OTOF: variants seen among roughly 807,000 people sequenced by gnomAD.
The protein encoded by OTOF is fer-1-like family member 2.
In OTOF, 218 loss-of-function variants were observed where a neutral mutation model predicts 236.8. That is an observed-to-expected ratio of 0.92 (90% CI 0.82 to 1.03). The LOEUF is 1.03. Among genes scored for constraint, OTOF ranks in the 50% least tolerant of loss-of-function variants. OTOF has a pLI of 0.00. For synonymous variants in OTOF, 1,041 were observed against 1,072.5 expected, an observed-to-expected ratio of 0.97 and a Z score of 0.57; for missense variants, 2,590 against 2,694.4, an observed-to-expected ratio of 0.96 and a Z score of 0.86.
rs558634308 is a variant in OTOF at position 26,462,467 on chromosome 2, C to G, written c.5193-286G>C. 1.4e-3 allele frequency among the ~76,000 whole-genome samples: 211 copies of G among 152,302 alleles called. 1 individual carries two copies. The highest frequency in any genetic ancestry group is 2.1e-3 in the South Asian group (10 of 4,826). On this transcript the variant is annotated intron_variant, in intron 41 of 46. Coordinates refer to ENST00000272371, the MANE Select transcript of OTOF (RefSeq NM_194248.3). This position sits in a 1 kb window ranked among gnomAD's most constrained non-coding sequence, Gnocchi z 4.7. ...AGAAGTCTGCATTTAAGCCCAGTAG[C>G]CAGCAATGGAAGCCCATGGAAGCTG...
rs111033341 is a variant in OTOF, at chr2:26,489,209, A to C, written c.1045+2T>G. On this transcript the variant is annotated splice_donor_variant, in intron 11 of 46. Transcript: ENST00000272371. LOFTEE classifies it high-confidence loss of function. ...ACTGACTGGCCATGCGCAGGTACTC[A>C]CCTGGCTGCGAGTACACGGTTCCCA... 4.4e-6 allele frequency: 7 copies of C among 1,603,076 alleles called. No homozygotes were observed. The highest frequency in any genetic ancestry group is 1.3e-5 in the African/African-American group (1 of 74,684).
At chr2:26,459,323 T>C (rs1490769831) in intron 46 of OTOF, among the ~76,000 whole-genome samples, 3 of 151,964 alleles carry the variant, frequency 2.0e-5, no homozygotes, top group Admixed American at 1.3e-4. Context: ...GAGGCCGAGA[T>C]GGGCGGATCA....
At chr2:26,459,600 A>G (rs1209289657) in intron 46 of OTOF, among the ~76,000 whole-genome samples, 1 of 151,690 alleles carries the variant, frequency 6.6e-6, no homozygotes, top group Non-Finnish European at 1.5e-5. Context: ...TGGGAGAAAC[A>G]TGGCTGGGAG....
At chr2:26,528,092 A>AC (rs1216806433) in intron 2 of OTOF, among the ~76,000 whole-genome samples, 172 bp from the exon 3 acceptor site, 1 of 152,094 alleles carries the variant, frequency 6.6e-6, no homozygotes, top group Non-Finnish European at 1.5e-5. Context: ...AGTTCCAACA[A>AC]CCACCTTGTA....
chr2:26,537,420 CA>C lies in OTOF; in HGVS notation c.138+295del, dbSNP rs546620199. On this transcript the variant is annotated intron_variant, in intron 2 of 46. Coordinates refer to ENST00000272371, the MANE Select transcript of OTOF (RefSeq NM_194248.3). Reference sequence around the variant, plus strand: ...CTACAGCACCTGTGGGCTCTTTCTCCACAGGGAATAACAGGCCCAGACCCAG... The same window carrying C: ...CTACAGCACCTGTGGGCTCTTTCTCCCAGGGAATAACAGGCCCAGACCCAG... Among the ~76,000 whole-genome samples, 4 of 152,328 alleles carry C rather than the reference CA, an allele frequency of 2.6e-5. No individual in the cohort carries two copies. The East Asian group carries it at 7.7e-4, about 29-fold the overall frequency.
rs369672118 is a variant in OTOF at position 26,465,943 on chromosome 2, C to G, written c.4628+6G>C. ...TGTGGCAGGGGAGGGCACCAAGAAGCCTTACTTCCCAAAGACAGGGTTGAG... is the reference window on the plus strand; with the variant it reads ...TGTGGCAGGGGAGGGCACCAAGAAGGCTTACTTCCCAAAGACAGGGTTGAG... On this transcript the variant is annotated splice_donor_region_variant and intron_variant, in intron 37 of 46. Coordinates refer to ENST00000272371, the MANE Select transcript of OTOF (RefSeq NM_194248.3). 13 of 1,614,120 alleles carry G rather than the reference C, an allele frequency of 8.1e-6. No individual in the cohort carries two copies. Among genetic ancestry groups the G allele is most frequent in the South Asian group, 2.2e-5 (2 of 91,084 alleles).
rs1400846879 is a variant in OTOF, at chr2:26,476,888, C to T, written c.2676+3G>A. The T allele has an allele frequency of 5.6e-6, 9 of 1,608,312 alleles. No homozygotes were observed. In the East Asian group the frequency reaches 2.0e-4, roughly 36 times the overall value. The stretch of plus-strand genomic sequence containing the variant: ...CCCCCATCCATCCTGCCCCCTCCAG[C>T]ACCTTAAGGAAGAGCGTCTTGACCT... On this transcript the variant is annotated splice_donor_region_variant and intron_variant, in intron 22 of 46. Coordinates refer to ENST00000272371, the MANE Select transcript of OTOF (RefSeq NM_194248.3).
chr2:26,467,074 G>GCTGGGCCCGTGCTCCTGGC, intron 35 of OTOF, 25 bp downstream of exon 35: 1 of 1,610,716 alleles, frequency 6.2e-7, no homozygotes. Flanking sequence ...GGGTGCTCAG[G>GCTGGGCCCGTGCTCCTGGC]CTGGGCCCGT....
chr2:26,484,418 C>G, intron 12 of OTOF, 56 bp downstream of exon 12: 1 of 1,603,124 alleles, frequency 6.2e-7, no homozygotes, highest in Non-Finnish European at 8.5e-7. Flanking sequence ...CCGGGGGCTC[C>G]CTGGGGGAAG....
chr2:26,465,667 C>T lies in OTOF; in HGVS notation c.4799+5G>A. ...CCCCCGCCCTCTGCCCCATGCCCCACATACGTGGAGTAGGTCTGGGCGATG... is the reference window on the plus strand; with the variant it reads ...CCCCCGCCCTCTGCCCCATGCCCCATATACGTGGAGTAGGTCTGGGCGATG... On this transcript the variant is annotated splice_donor_5th_base_variant and intron_variant, in intron 38 of 46. Transcript: ENST00000272371. 2 of 1,614,218 alleles carry T rather than the reference C, an allele frequency of 1.2e-6. No homozygotes were observed. The highest frequency in any genetic ancestry group is 2.2e-5 in the South Asian group (2 of 91,088).
At chr2:26,555,736 T>C (rs1667570759) in intron 1 of OTOF, among the ~76,000 whole-genome samples, 1 of 151,858 alleles carries the variant, frequency 6.6e-6, no homozygotes, top group African/African-American at 2.4e-5. Flanking sequence ...GCTCTCCTCT[T>C]CCCTTTATAT....
chr2:26,523,342 C>A (rs149088124), intron 3 of OTOF, among the ~76,000 whole-genome samples: 101 of 152,318 alleles, frequency 6.6e-4, no homozygotes, highest in African/African-American at 2.3e-3. Context: ...CCTAGGATGC[C>A]TCCTTCCTTC....
Position 26,473,091 on chromosome 2 carries a change from G to T in OTOF, c.3733+41C>A, listed in dbSNP as rs567720667. ...GAGACCTGGAGCCCTTCCCTGGGGG[G>T]CGTGGAGCCAGGCTTGGTGGCAGGG... On this transcript the variant is annotated intron_variant, in intron 29 of 46. Coordinates refer to ENST00000272371, the MANE Select transcript of OTOF (RefSeq NM_194248.3). The surrounding 1 kb of genome is among the most constrained non-coding windows in gnomAD (Gnocchi z 7.2). 110 of 1,592,344 alleles carry T rather than the reference G, an allele frequency of 6.9e-5. No homozygotes were observed. The African/African-American group carries it at 1.3e-3, about 19-fold the overall frequency.
At chr2:26,475,650 G>A (rs1665220219) in intron 24 of OTOF, among the ~76,000 whole-genome samples, 157 bp from the exon 25 acceptor site, 1 of 152,164 alleles carries the variant, frequency 6.6e-6, no homozygotes, top group Admixed American at 6.5e-5. Context: ...AGGCTAATAT[G>A]AGGTTTGGCC....
At chr2:26,492,358 C>G (rs1256222012) in intron 9 of OTOF, among the ~76,000 whole-genome samples, 3 of 152,098 alleles carry the variant, frequency 2.0e-5, no homozygotes, top group Non-Finnish European at 4.4e-5. Flanking sequence ...GTTTGAGAAA[C>G]CCTAGTTTAG....
In OTOF at chr2:26,474,016, G is replaced by A. The variant is rs1465110068; in HGVS notation, c.3383C>T (p.Pro1128Leu). ...PIMPVPMGIRPVLSKYRVEVL... is the reference protein window; with the variant it reads ...PIMPVPMGIRLVLSKYRVEVL... ...CTCCACTCGGTACTTGCTGAGCACG[G>A]GCCGGATGCCCATGGGCACGGGCAT... The change falls in exon 27 of 47, where the codon CCC becomes CTC. Residue 1128 changes from proline (P) to leucine (L), a missense_variant. Physicochemically the swap from Pro to Leu is moderately conservative, Grantham distance 98. Transcript: ENST00000272371. 2 of 1,612,992 alleles carry A rather than the reference G, an allele frequency of 1.2e-6. No individual in the cohort carries two copies.
rs373652464 is a variant in OTOF at position 26,470,590 on chromosome 2, C to T, written c.4023+3G>A. 6.2e-7 allele frequency: 1 copy of T among 1,614,082 alleles called. No homozygotes were observed. Among genetic ancestry groups the T allele is most frequent in the East Asian group, 2.2e-5 (1 of 44,866 alleles). On this transcript the variant is annotated splice_donor_region_variant and intron_variant, in intron 32 of 46. Transcript: ENST00000272371. The surrounding 1 kb of genome is among the most constrained non-coding windows in gnomAD (Gnocchi z 4.3). ...CCTCCCCTCACCCTACCCGAGGTCT[C>T]ACCTCCTTCATGGTGTCAATGGAGG... is the stretch of plus-strand genomic sequence containing the variant.
intron 1 of OTOF, among the ~76,000 whole-genome samples, chr2:26,541,884 T>C (rs1374431882): frequency 6.6e-6 from 1 of 152,094 alleles, no homozygotes; most frequent in Non-Finnish European, 1.5e-5. Flanking sequence ...ATGGGGGAAA[T>C]AGAACAGCAT....
chr2:26,518,857 T>C (rs1666601931), intron 4 of OTOF, among the ~76,000 whole-genome samples, 153 bp downstream of exon 4: 1 of 152,362 alleles, frequency 6.6e-6, no homozygotes, highest in South Asian at 2.1e-4. Flanking sequence ...GATTGAGCCA[T>C]TCCAGCAGAG....
Sources: gnomAD v4.1 joint callset for allele counts (sites outside exome capture counted in the v4.1 genomes callset) on GRCh38, gnomAD v4.1.1 for gene constraint, Gnocchi (gnomAD v3.1) non-coding constraint, MANE v1.5 for transcripts, NCBI Gene and HGNC (gene_info 2026-07-23, HGNC 2026-07-21) for gene names.